TANGO2: variants seen among roughly 807,000 people sequenced by gnomAD.
TANGO2 encodes the protein transport and Golgi organization protein 2 homolog.
Under a neutral mutation model 39.1 loss-of-function variants are expected in TANGO2, and 26 were observed. The observed-to-expected ratio is 0.67, with a 90% CI of 0.49 to 0.92. The LOEUF is 0.92. Ranked by LOEUF, TANGO2 falls within the 40% of genes least tolerant of loss-of-function variation. The pLI, the probability that TANGO2 is intolerant of heterozygous loss-of-function variation, is 0.00. For synonymous variants in TANGO2, 131 were observed against 144.5 expected, an observed-to-expected ratio of 0.91 and a Z score of 0.67; for missense variants, 326 against 360.1, an observed-to-expected ratio of 0.91 and a Z score of 0.77.
chr22:20,035,699 T>G lies in TANGO2; in HGVS notation c.-39-1061T>G, dbSNP rs2042716441. ...GAGTGTGTGTGCTGAGCAGGACCTGTAGGGCCTGCATCCCAGGTGAGTGGG... is the reference window on the plus strand; with the variant it reads ...GAGTGTGTGTGCTGAGCAGGACCTGGAGGGCCTGCATCCCAGGTGAGTGGG... On this transcript the variant is annotated intron_variant, in intron 1 of 8. Transcript: ENST00000327374. Among the ~76,000 whole-genome samples, 4 of 152,256 alleles carry G rather than the reference T, an allele frequency of 2.6e-5. No homozygotes were observed. In the South Asian group the frequency reaches 8.3e-4, roughly 32 times the overall value.
intron 2 of TANGO2, among the ~76,000 whole-genome samples, chr22:20,040,124 G>A (rs1460602574): frequency 6.6e-6 from 1 of 152,130 alleles, no homozygotes; most frequent in Non-Finnish European, 1.5e-5. Context: ...GCTTGATCTG[G>A]GTGCTCAGCA....
chr22:20,050,714 G>A (rs936577727), intron 3 of TANGO2, among the ~76,000 whole-genome samples: 9 of 149,716 alleles, frequency 6.0e-5, no homozygotes, highest in Non-Finnish European at 1.2e-4. Flanking sequence ...GTTATAAATG[G>A]TATATTTAAA....
chr22:20,064,557 C>T lies in TANGO2; in HGVS notation c.726C>T (p.Ile242=), dbSNP rs763541294. ...PGYGTRTNTI[I]LVDADGHVTF... The stretch of plus-strand genomic sequence containing the variant: ...TCTCTTTCAGAACCAACACTATCAT[C>T]CTGGTAGATGCGGACGGCCACGTGA... Residue 242 remains isoleucine, a synonymous_variant, in exon 9 of 9, where the codon ATC becomes ATT. Coordinates refer to ENST00000327374, the MANE Select transcript of TANGO2 (RefSeq NM_152906.7). The T allele has an allele frequency of 6.2e-7, 1 of 1,614,122 alleles. No homozygotes were observed. Among genetic ancestry groups the T allele is most frequent in the Non-Finnish European group, 8.5e-7 (1 of 1,179,994 alleles).
intron 3 of TANGO2, among the ~76,000 whole-genome samples, chr22:20,051,932 C>T (rs2046409791): frequency 6.6e-6 from 1 of 152,100 alleles, no homozygotes; most frequent in South Asian, 2.1e-4. Context: ...GTAAAATGAC[C>T]CCCTGGTCTA....
chr22:20,043,342 T>C lies in TANGO2; in HGVS notation c.57-13T>C. 8 of 1,601,400 alleles carry C rather than the reference T, an allele frequency of 5.0e-6. No individual in the cohort carries two copies. The highest frequency in any genetic ancestry group is 6.8e-6 in the Non-Finnish European group (8 of 1,169,328). On this transcript the variant is annotated splice_polypyrimidine_tract_variant and intron_variant, in intron 2 of 8. Coordinates refer to ENST00000327374, the MANE Select transcript of TANGO2 (RefSeq NM_152906.7). ...TTCCATCTGAAGCCATCAGTGATGC[T>C]TTCCTCTTGCAGGCTCATCTTGGCA...
chr22:20,053,776 G>A (rs1344549061), intron 5 of TANGO2: 5 of 575,996 alleles, frequency 8.7e-6, no homozygotes, highest in Admixed American at 2.2e-5. Flanking sequence ...GAGGGCTGCC[G>A]GATCCCTGGA....
chr22:20,018,150 T>C (rs1945334276), upstream of TANGO2, among the ~76,000 whole-genome samples: 1 of 152,232 alleles, frequency 6.6e-6, no homozygotes, highest in Non-Finnish European at 1.5e-5. Context: ...TGGGTCCATC[T>C]GTGTGCTGGC....
chr22:20,052,241 A>T (rs887905129), intron 3 of TANGO2, among the ~76,000 whole-genome samples: 40 of 152,182 alleles, frequency 2.6e-4, no homozygotes, highest in African/African-American at 9.2e-4. Context: ...GTCCTGCAGG[A>T]CAGGGATCTC....
upstream of TANGO2, among the ~76,000 whole-genome samples, chr22:20,020,131 C>T (rs965153240): frequency 1.8e-4 from 27 of 152,224 alleles, no homozygotes; most frequent in Non-Finnish European, 3.8e-4. Flanking sequence ...CCTTTTTCAA[C>T]TTCAACTGAA....
At chr22:20,050,190 G>A (rs911154134) in intron 3 of TANGO2, among the ~76,000 whole-genome samples, 5 of 151,988 alleles carry the variant, frequency 3.3e-5, no homozygotes, top group African/African-American at 7.3e-5. Flanking sequence ...CAGCCTAGGC[G>A]ACAGAGCAAG....
At position 20,060,348 on chromosome 22, in the gene TANGO2, C is replaced by CAAA. The variant is rs1180539682; in HGVS notation, c.452-1164_452-1162dup. On this transcript the variant is annotated intron_variant, in intron 6 of 8. Transcript: ENST00000327374. ...TGGGCGACAGAGTAAGACTCCGTCT[C>CAAA]AAAAAAAAAAAAAAAAAAAAGAGAT... Among the ~76,000 whole-genome samples, 570 of 80,598 alleles carry CAAA rather than the reference C, an allele frequency of 7.1e-3. 9 individuals carry two copies. Among genetic ancestry groups the CAAA allele is most frequent in the African/African-American group, 0.027 (516 of 19,466 alleles). 52.9% of individuals were successfully genotyped at this position (80,598 alleles called of 152,430 possible).
chr22:20,061,768 C>G lies in TANGO2; in HGVS notation c.605+85C>G, dbSNP rs2048435478. ...AGGCAGGCCCTGCTGCCCCGGGAGG[C>G]CCATGGAAGTGGCCAGGCTGGGTCC... On this transcript the variant is annotated intron_variant, in intron 7 of 8. Coordinates refer to ENST00000327374, the MANE Select transcript of TANGO2 (RefSeq NM_152906.7). The G allele has an allele frequency of 2.1e-6, 3 of 1,443,392 alleles. No individual in the cohort carries two copies. The South Asian group carries it at 4.5e-5, about 22-fold the overall frequency. The allele number at this position is 1,443,392 out of a possible 1,614,324, so 89.4% of individuals were successfully genotyped here. A position where few individuals can be genotyped will look rare whatever the true frequency, so the allele number is the denominator to read the frequency against.
At chr22:20,023,003 C>G (rs2040009658) in intron 1 of TANGO2, among the ~76,000 whole-genome samples, 1 of 152,250 alleles carries the variant, frequency 6.6e-6, no homozygotes, top group Non-Finnish European at 1.5e-5. Context: ...CAAGCCTATC[C>G]CTACCATGAG....
intron 2 of TANGO2, chr22:20,037,242 G>T (rs2043026502): frequency 2.1e-6 from 2 of 953,358 alleles, no homozygotes; most frequent in African/African-American, 1.6e-5. Context: ...AGTCAAAGTG[G>T]CGGCCAGGCT....
intron 1 of TANGO2, among the ~76,000 whole-genome samples, chr22:20,028,670 G>A (rs2041255805): frequency 6.6e-6 from 1 of 152,228 alleles, no homozygotes; most frequent in Admixed American, 6.5e-5. Context: ...TGTGGGGTGG[G>A]CGACTGGCAC....
chr22:20,064,782 C>A lies in TANGO2; in HGVS notation c.*120C>A. The A allele has an allele frequency of 1.6e-6, 2 of 1,281,242 alleles. No individual in the cohort carries two copies. The highest frequency in any genetic ancestry group is 2.1e-6 in the Non-Finnish European group (2 of 937,300). 79.4% of individuals were successfully genotyped at this position (1,281,242 alleles called of 1,614,324 possible). ...TGCCCGTGGCTTGGCCAGCATCCCCCGGATCAGGGCCCTGTGGTTTGCGTG... is the reference window on the plus strand; with the variant it reads ...TGCCCGTGGCTTGGCCAGCATCCCCAGGATCAGGGCCCTGTGGTTTGCGTG... On this transcript the variant is annotated 3_prime_UTR_variant, in exon 9 of 9. Coordinates refer to ENST00000327374, the MANE Select transcript of TANGO2 (RefSeq NM_152906.7).
At chr22:20,059,348 A>G (rs890306634) in intron 6 of TANGO2, among the ~76,000 whole-genome samples, 1 of 152,150 alleles carries the variant, frequency 6.6e-6, no homozygotes, top group South Asian at 2.1e-4. Context: ...TCACAGTGTG[A>G]CCTCACAGCA....
At chr22:20,045,462 CA>C (rs760117166) in intron 3 of TANGO2, among the ~76,000 whole-genome samples, 1 of 147,430 alleles carries the variant, frequency 6.8e-6, no homozygotes, top group African/African-American at 2.5e-5. Flanking sequence ...AAATGCAAAT[CA>C]AAATCATTAA....
At chr22:20,044,665 G>A (rs2044747779) in intron 3 of TANGO2, among the ~76,000 whole-genome samples, 1 of 152,170 alleles carries the variant, frequency 6.6e-6, no homozygotes, top group African/African-American at 2.4e-5. Flanking sequence ...GGAGGAGGAC[G>A]GGTGCATGGA....
Sources: gnomAD v4.1 joint callset for allele counts (sites outside exome capture counted in the v4.1 genomes callset) on GRCh38, gnomAD v4.1.1 for gene constraint, MANE v1.5 for transcripts, NCBI Gene and HGNC (gene_info 2026-07-23, HGNC 2026-07-21) for gene names.